Variants in TBCA observed in about 807,000 individuals in gnomAD.
TBCA encodes tubulin-specific chaperone A.
TBCA carries 6 observed loss-of-function variants against 15.8 expected under a neutral mutation model. The ratio of observed to expected loss-of-function variants is 0.38; its 90% CI spans 0.21 to 0.75. The LOEUF (loss-of-function observed/expected upper bound fraction) is 0.75. Ranked by LOEUF, TBCA falls within the 30% of genes least tolerant of loss-of-function variation. The probability of loss-of-function intolerance (pLI) is 0.46; values close to 1 mark genes in which losing one functional copy is unlikely to be tolerated. For missense variants in TBCA, 90 were observed against 131.2 expected, an observed-to-expected ratio of 0.69 and a Z score of 1.53; for synonymous variants, 32 against 42.3, an observed-to-expected ratio of 0.76 and a Z score of 0.94.
At chr5:77,776,158 A>T in intron 1 of TBCA, 47 bp downstream of exon 1, 6 of 1,548,484 alleles carry the variant, frequency 3.9e-6, no homozygotes, top group Non-Finnish European at 5.2e-6. Flanking sequence ...GCGGGCCGCC[A>T]TGAGGTGACG....
chr5:77,758,474 T>C (rs1026169298), intron 1 of TBCA, among the ~76,000 whole-genome samples: 4 of 152,360 alleles, frequency 2.6e-5, no homozygotes, highest in African/African-American at 9.6e-5. Flanking sequence ...TTTAGTGTTG[T>C]GAGCCCTTAA....
chr5:77,762,981 C>A (rs1158635579), intron 1 of TBCA, among the ~76,000 whole-genome samples: 1 of 152,170 alleles, frequency 6.6e-6, no homozygotes. Context: ...CGGTGGCTCA[C>A]GCCTGTAATC....
At chr5:77,739,191 T>C (rs935364918) in intron 1 of TBCA, among the ~76,000 whole-genome samples, 1 of 152,176 alleles carries the variant, frequency 6.6e-6, no homozygotes, top group African/African-American at 2.4e-5. Flanking sequence ...CTGGGCACAG[T>C]GGCTCATGCC....
chr5:77,744,660 C>G (rs1747138656), intron 1 of TBCA, among the ~76,000 whole-genome samples: 2 of 151,618 alleles, frequency 1.3e-5, no homozygotes, highest in Non-Finnish European at 2.9e-5. Context: ...CTCAGCCCCC[C>G]AAGCAGCTGG....
intron 1 of TBCA, among the ~76,000 whole-genome samples, chr5:77,740,358 T>C (rs1747003426): frequency 6.6e-6 from 1 of 152,162 alleles, no homozygotes; most frequent in Non-Finnish European, 1.5e-5. Context: ...CAGGCAAGTC[T>C]AGGCCAGGAA....
At chr5:77,712,670 T>C (rs1746307959) in intron 1 of TBCA, among the ~76,000 whole-genome samples, 2 of 152,156 alleles carry the variant, frequency 1.3e-5, no homozygotes, top group Non-Finnish European at 2.9e-5. Context: ...AAGAACATTG[T>C]TTATTGTTTG....
intron 1 of TBCA, among the ~76,000 whole-genome samples, chr5:77,753,576 T>A (rs1304641357): frequency 1.3e-5 from 2 of 152,316 alleles, no homozygotes; most frequent in East Asian, 3.9e-4. Context: ...TGAGATATCG[T>A]GAATAACTTC....
intron 1 of TBCA, among the ~76,000 whole-genome samples, chr5:77,769,105 A>G (rs1313153153): frequency 6.6e-6 from 1 of 152,182 alleles, no homozygotes; most frequent in Non-Finnish European, 1.5e-5. Flanking sequence ...GTTGCCTGCT[A>G]TATTGCTCCT....
At chr5:77,734,568 A>G (rs1561274817) in intron 1 of TBCA, among the ~76,000 whole-genome samples, 1 of 152,244 alleles carries the variant, frequency 6.6e-6, no homozygotes. Context: ...CTACAGTCTC[A>G]TGATAAAATT....
At chr5:77,762,796 C>T (rs1316236962) in intron 1 of TBCA, among the ~76,000 whole-genome samples, 1 of 152,152 alleles carries the variant, frequency 6.6e-6, no homozygotes, top group Non-Finnish European at 1.5e-5. Flanking sequence ...CTGAAAGTCT[C>T]CCCTCTCCAC....
Position 77,720,480 on chromosome 5 carries a change from G to A in TBCA, c.54-12133C>T, listed in dbSNP as rs553910801. ...TGTAATCCCAGCACTTTGGGAGGCC[G>A]AGGTGGGTGGATCACCTGAGGTCAG... is the stretch of plus-strand genomic sequence containing the variant. On this transcript the variant is annotated intron_variant, in intron 1 of 3. Coordinates refer to ENST00000380377, the MANE Select transcript of TBCA (RefSeq NM_004607.3). Among the ~76,000 whole-genome samples, 179 of 152,270 alleles carry A rather than the reference G, an allele frequency of 1.2e-3. 6 individuals carry two copies. In the South Asian group the frequency reaches 0.035, roughly 30 times the overall value.
chr5:77,720,339 G>T lies in TBCA; in HGVS notation c.54-11992C>A, dbSNP rs1437803029. Among the ~76,000 whole-genome samples the T allele has an allele frequency of 3.3e-5, 5 of 152,288 alleles. No homozygotes were observed. The South Asian group carries it at 6.2e-4, about 19-fold the overall frequency. ...TTACTAGATAAAGTAGGACTGCCTT[G>T]TGAACATCATGGGGAAAATAGCTAA... On this transcript the variant is annotated intron_variant, in intron 1 of 3. Coordinates refer to ENST00000380377, the MANE Select transcript of TBCA (RefSeq NM_004607.3).
chr5:77,733,173 C>T (rs1014008090), intron 1 of TBCA, among the ~76,000 whole-genome samples: 2 of 152,112 alleles, frequency 1.3e-5, no homozygotes, highest in Admixed American at 1.3e-4. Context: ...CCCAGCTACT[C>T]AGGAGGCTGA....
intron 1 of TBCA, among the ~76,000 whole-genome samples, chr5:77,748,792 T>C (rs1193122943): frequency 2.0e-5 from 3 of 152,170 alleles, no homozygotes; most frequent in Admixed American, 6.5e-5. Flanking sequence ...TAACATAAAG[T>C]CAATTAACAC....
At chr5:77,695,973 T>C (rs1189372450) in intron 2 of TBCA, among the ~76,000 whole-genome samples, 1 of 152,172 alleles carries the variant, frequency 6.6e-6, no homozygotes, top group Non-Finnish European at 1.5e-5. Context: ...AATGAATAAA[T>C]GGCTGAACCT....
chr5:77,700,339 ACT>A (rs1211837930), intron 2 of TBCA, among the ~76,000 whole-genome samples: 1 of 152,082 alleles, frequency 6.6e-6, no homozygotes, highest in Non-Finnish European at 1.5e-5. Context: ...TATACAATGA[ACT>A]CTCAAAACTC....
At chr5:77,694,371 A>G (rs916193348) in intron 2 of TBCA, 1 of 152,212 alleles carries the variant, frequency 6.6e-6, no homozygotes, top group African/African-American at 2.4e-5. Flanking sequence ...ACACTACAGA[A>G]TTAAACACAG....
chr5:77,729,162 A>G (rs996693765), intron 1 of TBCA, among the ~76,000 whole-genome samples: 3 of 152,218 alleles, frequency 2.0e-5, no homozygotes, highest in South Asian at 4.2e-4. Flanking sequence ...AAAAACATAA[A>G]AATTAGCTGG....
intron 1 of TBCA, among the ~76,000 whole-genome samples, chr5:77,747,673 T>C (rs962015617): frequency 2.0e-4 from 30 of 152,164 alleles, no homozygotes; most frequent in African/African-American, 7.2e-4. Flanking sequence ...TTAGTTCTTA[T>C]TAGCAATGAG....
Sources: allele counts gnomAD v4.1 joint callset (sites outside exome capture counted in the v4.1 genomes callset), GRCh38; gene constraint gnomAD v4.1.1; transcripts MANE v1.5; gene names NCBI Gene and HGNC (gene_info 2026-07-23, HGNC 2026-07-21).